ZNF486: variants seen among roughly 807,000 people sequenced by gnomAD.
The protein encoded by ZNF486 is zinc finger protein 486, also known as KRAB box only protein 2.
In ZNF486, 12 loss-of-function variants were observed where a neutral mutation model predicts 12.8. The observed-to-expected ratio is 0.94, with a 90% CI of 0.60 to 1.52. The LOEUF (loss-of-function observed/expected upper bound fraction) is 1.52. Among genes scored for constraint, ZNF486 ranks in the 40% most tolerant of loss-of-function variants. ZNF486 has a pLI of 0.00. For synonymous variants in ZNF486, 231 were observed against 184.9 expected (o/e 1.25, Z -2.02); for missense variants, 738 against 545.0 (o/e 1.35, Z -3.53).
In ZNF486 at chr19:20,197,565, G is replaced by T; in HGVS notation, c.855G>T (p.Lys285Asn). Reference protein sequence around the residue: ...FMYPYTLTTHKIIHTGEQPYK... With the variant: ...FMYPYTLTTHNIIHTGEQPYK... ...ACCCCTATACCCTTACTACACATAA[G>T]ATAATCCATACTGGAGAGCAACCCT... is the stretch of plus-strand genomic sequence containing the variant. The change falls in exon 4 of 4, where the codon AAG (lysine) becomes AAT (asparagine). Residue 285 changes from lysine to asparagine, a missense_variant. Coordinates refer to ENST00000335117, the MANE Select transcript of ZNF486 (RefSeq NM_052852.4). The T allele has an allele frequency of 6.2e-7, 1 of 1,613,620 alleles. No homozygotes were observed. The highest frequency in any genetic ancestry group is 8.5e-7 in the Non-Finnish European group (1 of 1,179,766).
At chr19:20,184,078 C>A (rs2089815437) in intron 1 of ZNF486, among the ~76,000 whole-genome samples, 1 of 152,064 alleles carries the variant, frequency 6.6e-6, no homozygotes, top group African/African-American at 2.4e-5. Flanking sequence ...ATATAGCACT[C>A]AAAAATGTAC....
intron 3 of ZNF486, among the ~76,000 whole-genome samples, chr19:20,186,801 TGAGAAGGA>T (rs2089852572): frequency 6.7e-6 from 1 of 150,166 alleles, no homozygotes; most frequent in African/African-American, 2.5e-5. Context: ...TTTTTTTTTT[TGAGAAGGA>T]GTCTTGCTCT....
chr19:20,172,876 C>T (rs187435401), intron 1 of ZNF486, among the ~76,000 whole-genome samples: 3 of 150,660 alleles, frequency 2.0e-5, no homozygotes, highest in Non-Finnish European at 4.4e-5. Context: ...CTCCTGACCT[C>T]GTGATACACC....
At chr19:20,175,875 G>A (rs782464668) in intron 1 of ZNF486, among the ~76,000 whole-genome samples, 1 of 152,184 alleles carries the variant, frequency 6.6e-6, no homozygotes, top group Non-Finnish European at 1.5e-5. Flanking sequence ...TGGTGGCCGG[G>A]CAGAGGGGCT....
chr19:20,189,549 TTTTG>T (rs782696267), intron 3 of ZNF486, among the ~76,000 whole-genome samples: 13 of 152,306 alleles, frequency 8.5e-5, no homozygotes, highest in Non-Finnish European at 1.5e-4. Flanking sequence ...TATGAGGTGA[TTTTG>T]TTTGTCATTG....
chr19:20,183,833 C>T (rs1555715930), intron 1 of ZNF486, among the ~76,000 whole-genome samples: 1 of 152,024 alleles, frequency 6.6e-6, no homozygotes, highest in East Asian at 1.9e-4. Flanking sequence ...AAAACACAGG[C>T]TCTTGCACTT....
intron 1 of ZNF486, among the ~76,000 whole-genome samples, chr19:20,182,108 A>G (rs28785843): frequency 2.4e-4 from 37 of 152,174 alleles, no homozygotes; most frequent in African/African-American, 8.9e-4. Flanking sequence ...CGTTGTCCCT[A>G]TTTGTATCAG....
rs181875374 is a variant in ZNF486, at chr19:20,180,783, C to G, written c.31-3573C>G. On this transcript the variant is annotated intron_variant, in intron 1 of 3. Coordinates refer to ENST00000335117, the MANE Select transcript of ZNF486 (RefSeq NM_052852.4). ...TCGTGATCCACCCACCTTGGCCTCA[C>G]AAAGTGTTGGGATTACAGGTGTAAG... Among the ~76,000 whole-genome samples, 312 of 152,254 alleles carry G rather than the reference C, an allele frequency of 2.0e-3. 1 individual carries two copies. The highest frequency in any genetic ancestry group is 0.02 in the Middle Eastern group (6 of 294).
intron 3 of ZNF486, chr19:20,188,658 A>G (rs2089873626): frequency 2.5e-6 from 1 of 392,254 alleles, no homozygotes; most frequent in South Asian, 1.4e-4. Context: ...AAAAAACAAA[A>G]AAAAGCTGTT....
chr19:20,167,432 A>C, intron 1 of ZNF486, 72 bp downstream of exon 1: 3 of 1,543,858 alleles, frequency 1.9e-6, no homozygotes, highest in Non-Finnish European at 2.7e-6. Context: ...GGAGGGACTC[A>C]GGCCTCCCCG....
intron 3 of ZNF486, chr19:20,188,275 G>A (rs1300085800): frequency 2.6e-6 from 1 of 390,816 alleles, no homozygotes; most frequent in African/African-American, 2.1e-5. Flanking sequence ...ATACTTGTTT[G>A]ATTTGAAGGT....
intron 3 of ZNF486, among the ~76,000 whole-genome samples, chr19:20,193,705 A>G (rs1255013714): frequency 6.6e-6 from 1 of 152,064 alleles, no homozygotes; most frequent in Non-Finnish European, 1.5e-5. Flanking sequence ...AGATGATTAT[A>G]TATATATTTA....
At chr19:20,168,881 C>A (rs1555713387) in intron 1 of ZNF486, among the ~76,000 whole-genome samples, 1 of 151,794 alleles carries the variant, frequency 6.6e-6, no homozygotes, top group African/African-American at 2.4e-5. Context: ...TGCTTTGTGG[C>A]CCAGGCTGGA....
At chr19:20,175,192 T>A (rs1442274294) in intron 1 of ZNF486, 1 of 152,166 alleles carries the variant, frequency 6.6e-6, no homozygotes, top group Admixed American at 6.5e-5. Context: ...GCGCTTTGGG[T>A]GTTTAGAGAG....
At position 20,184,523 on chromosome 19, in the gene ZNF486, A is replaced by G. The variant is rs781838661; in HGVS notation, c.157+41A>G. The stretch of plus-strand genomic sequence containing the variant: ...ATACATAATTCATAAAAAACCCCAA[A>G]AGTTTTATTTCTCTTTTTTGCAGAA... On this transcript the variant is annotated intron_variant, in intron 2 of 3. Transcript: ENST00000335117. 10 of 1,535,618 alleles carry G rather than the reference A, an allele frequency of 6.5e-6. No homozygotes were observed. In the Admixed American group the frequency reaches 1.3e-4, roughly 20 times the overall value.
At chr19:20,194,720 C>G (rs1376798885) in intron 3 of ZNF486, among the ~76,000 whole-genome samples, 1 of 151,732 alleles carries the variant, frequency 6.6e-6, no homozygotes, top group Non-Finnish European at 1.5e-5. Context: ...AAGATTGAAA[C>G]TCTGTCTAAA....
chr19:20,179,376 T>G lies in ZNF486; in HGVS notation c.31-4980T>G, dbSNP rs531087447. On this transcript the variant is annotated intron_variant, in intron 1 of 3. Coordinates refer to ENST00000335117, the MANE Select transcript of ZNF486 (RefSeq NM_052852.4). ...TCTTGACATATCTTCCTGTAAATAC[T>G]ACTAATCAAAGTGTAGATTCCAGGC... Among the ~76,000 whole-genome samples the G allele has an allele frequency of 7.9e-5, 12 of 152,338 alleles. No individual in the cohort carries two copies. In the South Asian group the frequency reaches 2.5e-3, roughly 32 times the overall value.
At chr19:20,178,114 A>G in intron 1 of ZNF486, among the ~76,000 whole-genome samples, 1 of 136,166 alleles carries the variant, frequency 7.3e-6, no homozygotes, top group South Asian at 2.4e-4. Context: ...TTTTTAGTAG[A>G]GATGGGTTTT....
chr19:20,195,749 G>A (rs181996818), intron 3 of ZNF486, among the ~76,000 whole-genome samples: 96 of 152,248 alleles, frequency 6.3e-4, no homozygotes, highest in African/African-American at 2.2e-3. Context: ...TTATTGTTTA[G>A]TTAAATCAGC....
Sources: allele counts gnomAD v4.1 joint callset (sites outside exome capture counted in the v4.1 genomes callset), GRCh38; gene constraint gnomAD v4.1.1; transcripts MANE v1.5; gene names NCBI Gene and HGNC (gene_info 2026-07-23, HGNC 2026-07-21).